ZFHX3: variants seen among roughly 807,000 people sequenced by gnomAD.
ZFHX3 encodes the protein zinc finger homeobox 3, also known as zinc finger homeobox protein 3.
ZFHX3 carries 42 observed loss-of-function variants against 279.1 expected under a neutral mutation model. The ratio of observed to expected loss-of-function variants is 0.15; its 90% CI spans 0.12 to 0.19. ZFHX3 has a LOEUF of 0.19. Among genes scored for constraint, ZFHX3 ranks in the 10% least tolerant of loss-of-function variants. The pLI is 1.00. For missense variants in ZFHX3, 4,981 were observed against 4,754.0 expected (o/e 1.05, Z -1.40); for synonymous variants, 2,293 against 1,957.8 (o/e 1.17, Z -4.52).
At chr16:73,855,003 T>C (rs1961687247) in intron 1 of ZFHX3, among the ~76,000 whole-genome samples, 1 of 152,094 alleles carries the variant, frequency 6.6e-6, no homozygotes, top group Non-Finnish European at 1.5e-5. Context: ...AATCTCCTAG[T>C]TTCTACAATC....
In ZFHX3 at chr16:72,794,809, T is replaced by G. The variant is rs1203878824; in HGVS notation, c.7873A>C (p.Ser2625Arg). The change falls in exon 9 of 10, where the codon AGC becomes CGC. Residue 2625 changes from serine (S) to arginine (R), a missense_variant. Ser to Arg is a moderately radical substitution (Grantham distance 110). This residue lies in a region of ZFHX3 where 744 missense variants were observed against 701.3 expected (regional missense o/e 1.06). Transcript: ENST00000268489. This position sits in a 1 kb window ranked among gnomAD's most constrained non-coding sequence, Gnocchi z 4.2. ...KRKLEEKASASPGENDSGTGG... is the reference protein window; with the variant it reads ...KRKLEEKASARPGENDSGTGG... ...GTCCCACTGTCGTTTTCGCCAGGGC[T>G]TGCACTGGCCTTTTCCTCCAGCTTC... The G allele has an allele frequency of 1.2e-6, 2 of 1,614,070 alleles. No homozygotes were observed. The highest frequency in any genetic ancestry group is 1.7e-5 in the Admixed American group (1 of 60,008).
At chr16:73,877,539 T>C (rs779781530) in intron 1 of ZFHX3, among the ~76,000 whole-genome samples, 9 of 152,196 alleles carry the variant, frequency 5.9e-5, no homozygotes, top group Non-Finnish European at 1.3e-4. Flanking sequence ...AACTTAATCC[T>C]GATATTGGGA....
intron 2 of ZFHX3, among the ~76,000 whole-genome samples, chr16:73,590,474 T>A (rs1360831826): frequency 1.3e-5 from 2 of 152,210 alleles, no homozygotes; most frequent in African/African-American, 4.8e-5. Context: ...GGATTCCCAC[T>A]GGCTACAAGT....
At chr16:73,541,373 C>A (rs1193452317) in intron 2 of ZFHX3, among the ~76,000 whole-genome samples, 1 of 152,032 alleles carries the variant, frequency 6.6e-6, no homozygotes, top group African/African-American at 2.4e-5. Context: ...GTGGTCCCAG[C>A]TACTCAAGAG....
intron 1 of ZFHX3, among the ~76,000 whole-genome samples, chr16:73,870,786 G>A (rs1962142146): frequency 6.6e-6 from 1 of 152,188 alleles, no homozygotes; most frequent in African/African-American, 2.4e-5. Flanking sequence ...CTATATCTGA[G>A]CACGAACATC....
At chr16:73,400,354 T>C (rs2017225167) in intron 3 of ZFHX3, 1 of 152,176 alleles carries the variant, frequency 6.6e-6, no homozygotes, top group African/African-American at 2.4e-5. Flanking sequence ...GACGGGAGTT[T>C]GCGGGGATAT....
intron 3 of ZFHX3, among the ~76,000 whole-genome samples, chr16:73,399,938 C>T (rs1356795103): frequency 6.6e-6 from 1 of 151,842 alleles, no homozygotes; most frequent in South Asian, 2.1e-4. Context: ...ACTGCCTGTG[C>T]AAAGCTAAGC....
chr16:73,358,075 G>C (rs774399902), intron 3 of ZFHX3, among the ~76,000 whole-genome samples: 3 of 152,170 alleles, frequency 2.0e-5, no homozygotes, highest in African/African-American at 7.2e-5. Context: ...CCCAGGCCTG[G>C]GCATGGAGCT....
chr16:73,002,751 G>C (rs545498605), intron 1 of ZFHX3, among the ~76,000 whole-genome samples: 1 of 151,988 alleles, frequency 6.6e-6, no homozygotes, highest in South Asian at 2.1e-4. Flanking sequence ...TTAGGTTCTC[G>C]CTAATTCACA....
At chr16:73,809,641 A>G (rs1291573278) in intron 1 of ZFHX3, 2 of 152,182 alleles carry the variant, frequency 1.3e-5, no homozygotes, top group Non-Finnish European at 2.9e-5. Flanking sequence ...AAGGGTCTCA[A>G]TACAGTTTCA....
At chr16:73,719,960 C>T (rs568708742) in intron 1 of ZFHX3, among the ~76,000 whole-genome samples, 8 of 152,284 alleles carry the variant, frequency 5.3e-5, no homozygotes, top group Admixed American at 3.3e-4. Context: ...TCTTCCACTA[C>T]AAGAACAGTA....
chr16:73,101,032 C>T (rs1029505642), intron 7 of ZFHX3, among the ~76,000 whole-genome samples: 1 of 152,116 alleles, frequency 6.6e-6, no homozygotes, highest in African/African-American at 2.4e-5. Flanking sequence ...GCTTCAGCAC[C>T]CCCTCAACCC....
At chr16:72,880,519 G>A (rs1445193165) in intron 4 of ZFHX3, among the ~76,000 whole-genome samples, 2 of 152,120 alleles carry the variant, frequency 1.3e-5, no homozygotes, top group Non-Finnish European at 2.9e-5. Flanking sequence ...GCCGGCACCT[G>A]GATCTTGAAC....
intron 3 of ZFHX3, among the ~76,000 whole-genome samples, chr16:73,369,077 G>A (rs761905856): frequency 6.6e-6 from 1 of 152,174 alleles, no homozygotes; most frequent in African/African-American, 2.4e-5. Flanking sequence ...TGAGATGAGC[G>A]AGAAAAGCTC....
intron 1 of ZFHX3, among the ~76,000 whole-genome samples, chr16:73,700,123 C>T (rs1041624281): frequency 1.7e-4 from 26 of 151,874 alleles, no homozygotes; most frequent in African/African-American, 5.1e-4. Flanking sequence ...CGTGAAAGGC[C>T]GATGTGGGAG....
At chr16:73,030,620 T>A (rs1308195847) in intron 1 of ZFHX3, among the ~76,000 whole-genome samples, 1 of 151,470 alleles carries the variant, frequency 6.6e-6, no homozygotes, top group African/African-American at 2.4e-5. Context: ...CAGAAGATAT[T>A]GTTTGAAGGG....
chr16:73,642,327 C>CAA (rs1340225523), intron 2 of ZFHX3, among the ~76,000 whole-genome samples: 1 of 152,190 alleles, frequency 6.6e-6, no homozygotes, highest in African/African-American at 2.4e-5. Flanking sequence ...TTCCTCCCTT[C>CAA]CCACCTTCAG....
intron 2 of ZFHX3, among the ~76,000 whole-genome samples, chr16:73,630,012 C>G (rs2052453195): frequency 6.6e-6 from 1 of 152,072 alleles, no homozygotes; most frequent in African/African-American, 2.4e-5. Context: ...GTCACTAAAA[C>G]CATCCCCGGC....
At chr16:73,188,010 T>C (rs543210906) in intron 5 of ZFHX3, among the ~76,000 whole-genome samples, 1 of 152,176 alleles carries the variant, frequency 6.6e-6, no homozygotes, top group South Asian at 2.1e-4. Context: ...TACAGGCGCC[T>C]GCCACCACGC....
Sources: gnomAD v4.1 joint callset for allele counts (sites outside exome capture counted in the v4.1 genomes callset) on GRCh38, gnomAD v4.1.1 for gene constraint, gnomAD v4.1.1 regional missense constraint, Gnocchi (gnomAD v3.1) non-coding constraint, MANE v1.5 for transcripts, NCBI Gene and HGNC (gene_info 2026-07-23, HGNC 2026-07-21) for gene names.